ADGRV1: variants seen among roughly 807,000 people sequenced by gnomAD.
ADGRV1 encodes adhesion G protein-coupled receptor V1.
Under a neutral mutation model 596.2 loss-of-function variants are expected in ADGRV1, and 359 were observed. The observed-to-expected ratio is 0.60, with a 90% CI of 0.55 to 0.66. The LOEUF is 0.66. Ranked by LOEUF, ADGRV1 falls within the 30% of genes least tolerant of loss-of-function variation. The pLI, the probability that ADGRV1 is intolerant of heterozygous loss-of-function variation, is 0.00. For synonymous variants in ADGRV1, 2,681 were observed against 2,679.2 expected, an observed-to-expected ratio of 1.00 and a Z score of -0.02; for missense variants, 7,274 against 7,575.6, an observed-to-expected ratio of 0.96 and a Z score of 1.48.
At position 90,627,962 on chromosome 5, in the gene ADGRV1, A is replaced by ACACACACG. The variant is rs1554064823; in HGVS notation, c.1238+186_1238+187insCACACACG. The stretch of plus-strand genomic sequence containing the variant: ...CACACACACACACACACACACACAC[A>ACACACACG]AGAATATGTCATTTTTTCTACCATG... On this transcript the variant is annotated intron_variant, in intron 7 of 89. Transcript: ENST00000405460. 101 of 407,126 alleles carry ACACACACG rather than the reference A, an allele frequency of 2.5e-4. 2 individuals carry two copies. The East Asian group carries it at 3.8e-3, about 15-fold the overall frequency. The allele number at this position is 407,126 out of a possible 1,614,324, so 25.2% of individuals were successfully genotyped here. A position where few individuals can be genotyped will look rare whatever the true frequency, so the allele number is the denominator to read the frequency against.
At position 90,728,811 on chromosome 5, in the gene ADGRV1, T is replaced by A. The variant is rs1442333704; in HGVS notation, c.10304T>A (p.Phe3435Tyr). ...QANARLNSLL[F>Y]RWSGSGFINF... ...AATGCCAGGCTAAACTCCCTTTTAT[T>A]CAGATGGTCTGGCAGTGGGTTTATT... The change falls in exon 49 of 90, where the codon TTC becomes TAC. Residue 3435 changes from phenylalanine to tyrosine, a missense_variant. This residue lies in a region of ADGRV1 where 3,643 missense variants were observed against 3,809.2 expected (regional missense o/e 0.96). Transcript: ENST00000405460. 6.2e-7 allele frequency: 1 copy of A among 1,613,876 alleles called. No homozygotes were observed. The highest frequency in any genetic ancestry group is 8.5e-7 in the Non-Finnish European group (1 of 1,179,884).
chr5:90,891,060 G>A (rs1770771844), intron 83 of ADGRV1, among the ~76,000 whole-genome samples: 1 of 151,576 alleles, frequency 6.6e-6, no homozygotes, highest in Non-Finnish European at 1.5e-5. Flanking sequence ...GAATGGGAGA[G>A]CGGGTTTATA....
intron 35 of ADGRV1, 125 bp from the exon 36 acceptor site, chr5:90,704,264 C>T: frequency 3.1e-6 from 2 of 653,150 alleles, no homozygotes; most frequent in Non-Finnish European, 5.3e-6. Flanking sequence ...ATTTTTAAGC[C>T]ACAGAACTTT....
rs7731131 is a variant in ADGRV1, at chr5:90,853,177, T to C, written c.17205-107T>C. 1,126 of 1,057,632 alleles carry C rather than the reference T, an allele frequency of 1.1e-3. 11 individuals carry two copies. The African/African-American group carries it at 0.017, about 16-fold the overall frequency. The allele number at this position is 1,057,632 out of a possible 1,614,324, so 65.5% of individuals were successfully genotyped here. ...GCTTCTGGGTTTGTTGTGTTATTGT[T>C]ATACATGAAGAATAGAATCCAAGTG... On this transcript the variant is annotated intron_variant, in intron 79 of 89. Transcript: ENST00000405460.
intron 52 of ADGRV1, among the ~76,000 whole-genome samples, chr5:90,749,578 A>C (rs113555950): frequency 2.7e-4 from 41 of 152,352 alleles, no homozygotes; most frequent in African/African-American, 9.4e-4. Flanking sequence ...AAAAGCTCTC[A>C]TAAGTTTTAA....
Position 90,681,588 on chromosome 5 carries a change from A to G in ADGRV1, c.5664+134A>G, listed in dbSNP as rs1744936723. The G allele has an allele frequency of 3.8e-6, 3 of 799,254 alleles. No homozygotes were observed. The East Asian group carries it at 8.4e-5, about 22-fold the overall frequency. The allele number at this position is 799,254 out of a possible 1,614,324, so 49.5% of individuals were successfully genotyped here. ...GAATGAGCCTATTGGCACAGGCAAT[A>G]CAAATTGGTGATCAAACAGTCGTTT... On this transcript the variant is annotated intron_variant, in intron 27 of 89. Coordinates refer to ENST00000405460, the MANE Select transcript of ADGRV1 (RefSeq NM_032119.4).
intron 83 of ADGRV1, among the ~76,000 whole-genome samples, chr5:90,954,198 T>C (rs912096961): frequency 6.6e-6 from 1 of 151,228 alleles, no homozygotes; most frequent in Non-Finnish European, 1.5e-5. Flanking sequence ...ACATCCTATT[T>C]ATAAAGATTA....
At chr5:90,564,001 G>T (rs560966228) in intron 1 of ADGRV1, among the ~76,000 whole-genome samples, 1 of 152,290 alleles carries the variant, frequency 6.6e-6, no homozygotes, top group Non-Finnish European at 1.5e-5. Context: ...ATCTTTTGGT[G>T]TAACACTGTT....
chr5:90,828,983 G>A lies in ADGRV1; in HGVS notation c.16408G>A (p.Glu5470Lys). 1 of 1,601,780 alleles carries A rather than the reference G, an allele frequency of 6.2e-7. No individual in the cohort carries two copies. Among genetic ancestry groups the A allele is most frequent in the Non-Finnish European group, 8.5e-7 (1 of 1,172,512 alleles). Residue 5470 changes from glutamate (E) to lysine (K), a missense_variant, in exon 77 of 90, where the codon GAA becomes AAA. Glu to Lys is a moderately conservative substitution (Grantham distance 56). Around this residue, in one of 5 missense-constraint regions of ADGRV1, gnomAD observed 1,874 missense variants for 1,970.2 expected, o/e 0.95. Coordinates refer to ENST00000405460, the MANE Select transcript of ADGRV1 (RefSeq NM_032119.4). ...VEVYFFVELYEATAGAAINNS... is the reference protein window; with the variant it reads ...VEVYFFVELYKATAGAAINNS... Reference sequence around the variant, plus strand: ...AGTGTATTTTTTTGTGGAACTATATGAAGCTACTGCTGGAGCAGCAATAAA... The same window carrying A: ...AGTGTATTTTTTTGTGGAACTATATAAAGCTACTGCTGGAGCAGCAATAAA...
chr5:90,562,907 A>G (rs905719757), intron 1 of ADGRV1, among the ~76,000 whole-genome samples: 3 of 152,222 alleles, frequency 2.0e-5, no homozygotes, highest in African/African-American at 7.2e-5. Flanking sequence ...TTAATTTCAT[A>G]AATCTATTTG....
At chr5:90,814,479 T>A in intron 74 of ADGRV1, among the ~76,000 whole-genome samples, 1 of 152,266 alleles carries the variant, frequency 6.6e-6, no homozygotes, top group East Asian at 1.9e-4. Context: ...CATCTCCAGT[T>A]GTAATCCCCC....
At position 90,791,335 on chromosome 5, in the gene ADGRV1, A is replaced by C; in HGVS notation, c.14506A>C (p.Ile4836Leu). Residue 4836 changes from isoleucine to leucine, a missense_variant, in exon 70 of 90, where the codon ATA (isoleucine) becomes CTA (leucine). Around this residue, in one of 5 missense-constraint regions of ADGRV1, gnomAD observed 1,874 missense variants for 1,970.2 expected, o/e 0.95. Coordinates refer to ENST00000405460, the MANE Select transcript of ADGRV1 (RefSeq NM_032119.4). The stretch of plus-strand genomic sequence containing the variant: ...CACATATAAAGTGGACGTGGTGCCA[A>C]TAAAGAATCAGGTTTGTGGCATTTC... Reference protein sequence around the residue: ...GATYKVDVVPIKNQVFLSLGS... With the variant: ...GATYKVDVVPLKNQVFLSLGS... The C allele has an allele frequency of 1.3e-6, 2 of 1,557,340 alleles. No homozygotes were observed. Among genetic ancestry groups the C allele is most frequent in the Middle Eastern group, 1.7e-4 (1 of 5,972 alleles).
At chr5:90,832,121 G>C (rs187803582) in intron 77 of ADGRV1, among the ~76,000 whole-genome samples, 161 of 152,110 alleles carry the variant, frequency 1.1e-3, no homozygotes, top group Non-Finnish European at 1.7e-3. Flanking sequence ...TATATACCTG[G>C]GAGTGGAATT....
At chr5:90,581,935 G>A (rs1460971376) in intron 1 of ADGRV1, among the ~76,000 whole-genome samples, 1 of 152,082 alleles carries the variant, frequency 6.6e-6, no homozygotes, top group Non-Finnish European at 1.5e-5. Flanking sequence ...TAATTTCAAT[G>A]TTCACCCAGG....
chr5:91,081,022 C>G (rs938020596), intron 86 of ADGRV1, among the ~76,000 whole-genome samples: 3 of 152,088 alleles, frequency 2.0e-5, no homozygotes, highest in African/African-American at 7.2e-5. Flanking sequence ...ATACCATAGA[C>G]TGGGTGTCCT....
At chr5:91,147,906 T>C (rs1395663661) in intron 87 of ADGRV1, among the ~76,000 whole-genome samples, 6 of 152,152 alleles carry the variant, frequency 3.9e-5, no homozygotes, top group Non-Finnish European at 1.5e-5. Flanking sequence ...AAAATGCTGA[T>C]AGTGATGTGG....
chr5:90,796,915 C>A (rs1056794918), intron 70 of ADGRV1, among the ~76,000 whole-genome samples: 8 of 152,118 alleles, frequency 5.3e-5, no homozygotes, highest in African/African-American at 1.9e-4. Context: ...TACAGACGAG[C>A]AAATGCTGAG....
chr5:90,804,392 G>A (rs921926215), intron 71 of ADGRV1, among the ~76,000 whole-genome samples: 5 of 151,604 alleles, frequency 3.3e-5, no homozygotes, highest in Non-Finnish European at 7.4e-5. Context: ...ACAGAGCGAC[G>A]CTCTGTCTCA....
At chr5:90,699,708 G>A (rs1282287278) in intron 34 of ADGRV1, among the ~76,000 whole-genome samples, 3 of 152,132 alleles carry the variant, frequency 2.0e-5, no homozygotes, top group Non-Finnish European at 4.4e-5. Flanking sequence ...AGACACGGAG[G>A]CCCTCCTGCT....
Sources: allele counts gnomAD v4.1 joint callset (sites outside exome capture counted in the v4.1 genomes callset), GRCh38; gene constraint gnomAD v4.1.1; regional missense constraint gnomAD v4.1.1; transcripts MANE v1.5; gene names NCBI Gene and HGNC (gene_info 2026-07-23, HGNC 2026-07-21).